Variants in TSPAN1 observed in about 807,000 individuals in gnomAD.
TSPAN1 encodes tetraspanin 1.
TSPAN1 carries 23 observed loss-of-function variants against 26.9 expected under a neutral mutation model. That is an observed-to-expected ratio of 0.85 (90% CI 0.62 to 1.21). The LOEUF is 1.21. Among genes scored for constraint, TSPAN1 ranks in the 50% most tolerant of loss-of-function variants. The probability of loss-of-function intolerance (pLI) is 0.00; values close to 1 mark genes in which losing one functional copy is unlikely to be tolerated. For synonymous variants in TSPAN1, 115 were observed against 114.8 expected (o/e 1.00, Z -0.01); for missense variants, 283 against 298.4 (o/e 0.95, Z 0.38).
At chr1:46,179,156 GT>G (rs1657252186) in intron 1 of TSPAN1, among the ~76,000 whole-genome samples, 1 of 149,462 alleles carries the variant, frequency 6.7e-6, no homozygotes, top group Admixed American at 6.6e-5. Context: ...GACCTCATCT[GT>G]TTAAAAAAAA....
At chr1:46,186,723 G>T (rs1217924170), downstream of TSPAN1, among the ~76,000 whole-genome samples, 1 of 144,318 alleles carries the variant, frequency 6.9e-6, no homozygotes, top group South Asian at 2.2e-4. Context: ...GTGCAGTGGC[G>T]CGATCTCGGC....
Position 46,175,330 on chromosome 1 carries a change from T to C in TSPAN1, c.-221T>C, listed in dbSNP as rs1354723293. Reference sequence around the variant, plus strand: ...GCAGATCAAGAGCTGAGACCAAAGATGGTCTATGTTGCTGACCTTGTCCTG... The same window carrying C: ...GCAGATCAAGAGCTGAGACCAAAGACGGTCTATGTTGCTGACCTTGTCCTG... On this transcript the variant is annotated 5_prime_UTR_variant, in exon 1 of 9. It removes an upstream start codon present in the reference 5' UTR. Transcript: ENST00000372003. 5.7e-6 allele frequency: 2 copies of C among 352,716 alleles called. No homozygotes were observed. Among genetic ancestry groups the C allele is most frequent in the Non-Finnish European group, 1.0e-5 (2 of 197,666 alleles). The allele number at this position is 352,716 out of a possible 1,614,324, so 21.8% of individuals were successfully genotyped here. A position where few individuals can be genotyped will look rare whatever the true frequency, so the allele number is the denominator to read the frequency against.
chr1:46,184,425 A>C (rs1197220777), intron 4 of TSPAN1, 28 bp downstream of exon 4: 2 of 1,613,734 alleles, frequency 1.2e-6, no homozygotes. Flanking sequence ...CCACAGGCTG[A>C]TGACCAAGAG....
the TSPAN1 span, chr1:46,193,625 A>G: frequency 6.2e-7 from 1 of 1,614,110 alleles, no homozygotes; most frequent in African/African-American, 1.3e-5. Context: ...GGCTGAAAGC[A>G]GAGAGCGCAG....
chr1:46,182,989 A>G (rs755261378), intron 3 of TSPAN1, among the ~76,000 whole-genome samples: 1 of 151,740 alleles, frequency 6.6e-6, no homozygotes, highest in Non-Finnish European at 1.5e-5. Context: ...ATTAAAAAAA[A>G]TTTTTTTTGT....
At chr1:46,189,342 G>C (rs747815387), downstream of TSPAN1, 2 of 1,613,810 alleles carry the variant, frequency 1.2e-6, no homozygotes, top group Admixed American at 3.3e-5. Context: ...GGGTGACTGA[G>C]GGTGGCTTCT....
At chr1:46,191,883 A>C in the TSPAN1 span, 210,830 of 594,666 alleles carry the variant, frequency 0.35, 38,670 homozygotes, top group South Asian at 0.45. Context: ...ATCCACCCGC[A>C]TCGGCCTCCC....
chr1:46,195,256 C>T, the TSPAN1 span, among the ~76,000 whole-genome samples: 2 of 152,216 alleles, frequency 1.3e-5, no homozygotes, highest in African/African-American at 4.8e-5. Context: ...TTCTGCTCCA[C>T]CTCGACTAGC....
chr1:46,192,593 G>A, the TSPAN1 span: 4 of 1,613,934 alleles, frequency 2.5e-6, no homozygotes, highest in South Asian at 4.4e-5. Context: ...TCAGGAAACT[G>A]AGAGAGGCAG....
In TSPAN1 at chr1:46,184,238, T is replaced by C. The variant is rs1657374466; in HGVS notation, c.105T>C (p.Asp35=). Residue 35 remains aspartate (D), a synonymous_variant, in exon 4 of 9, where the codon GAT becomes GAC. Transcript: ENST00000372003. ...CAGTGGGCATCTGGGTGTCAATCGA[T>C]GGGGCATCCTTTCTGAAGATCTTCG... ...LLAVGIWVSI[D]GASFLKIFGP... 2.5e-6 allele frequency: 4 copies of C among 1,614,070 alleles called. No individual in the cohort carries two copies. The South Asian group carries it at 4.4e-5, about 18-fold the overall frequency.
At chr1:46,193,207 C>T in the TSPAN1 span, 1 of 1,614,152 alleles carries the variant, frequency 6.2e-7, no homozygotes, top group Non-Finnish European at 8.5e-7. Flanking sequence ...TGAGGCTGGC[C>T]TTGTAGTGCT....
At chr1:46,192,916 C>T in the TSPAN1 span, 6 of 1,614,074 alleles carry the variant, frequency 3.7e-6, no homozygotes, top group African/African-American at 8.0e-5. Context: ...AAATCCACAG[C>T]AATGTCCAGG....
chr1:46,194,926 C>T, the TSPAN1 span: 1 of 1,614,030 alleles, frequency 6.2e-7, no homozygotes, highest in African/African-American at 1.3e-5. Flanking sequence ...TCAGCAGAGC[C>T]TTGGCTGTGT....
chr1:46,186,520 C>T (rs1179128356), downstream of TSPAN1, among the ~76,000 whole-genome samples: 6 of 131,686 alleles, frequency 4.6e-5, no homozygotes, highest in South Asian at 4.9e-4. Context: ...GACAGAGTTT[C>T]GCTCTTGTTG....
At chr1:46,194,198 A>G in the TSPAN1 span, 2 of 1,612,264 alleles carry the variant, frequency 1.2e-6, no homozygotes, top group East Asian at 2.2e-5. Context: ...GGGAAAGCCC[A>G]ACCTAGATCA....
chr1:46,193,212 A>G, the TSPAN1 span: 5 of 1,614,140 alleles, frequency 3.1e-6, no homozygotes, highest in African/African-American at 1.3e-5. Context: ...CTGGCCTTGT[A>G]GTGCTGGGAG....
chr1:46,194,324 T>G, the TSPAN1 span: 1 of 1,614,160 alleles, frequency 6.2e-7, no homozygotes, highest in Non-Finnish European at 8.5e-7. Flanking sequence ...CTGCATACAC[T>G]TCCATAGCCC....
the TSPAN1 span, chr1:46,191,030 A>T: frequency 2.1e-6 from 1 of 477,306 alleles, no homozygotes; most frequent in African/African-American, 2.0e-5. Context: ...TGCACCACAG[A>T]CCCATGAACT....
intron 3 of TSPAN1, among the ~76,000 whole-genome samples, chr1:46,183,211 G>C (rs1657352663): frequency 6.6e-6 from 1 of 152,194 alleles, no homozygotes; most frequent in Admixed American, 6.5e-5. Context: ...GGCAAATCCG[G>C]TTTGATTTCT....
Sources: allele counts gnomAD v4.1 joint callset (sites outside exome capture counted in the v4.1 genomes callset), GRCh38; gene constraint gnomAD v4.1.1; transcripts MANE v1.5; gene names NCBI Gene and HGNC (gene_info 2026-07-23, HGNC 2026-07-21).